Variants in DMD observed in about 807,000 individuals in gnomAD.
DMD encodes mutant dystrophin.
In DMD, 63 loss-of-function variants were observed where a neutral mutation model predicts 330.1. That is an observed-to-expected ratio of 0.19 (90% confidence interval 0.16 to 0.24). DMD has a LOEUF of 0.24. Ranked by LOEUF, DMD falls within the 10% of genes least tolerant of loss-of-function variation. The pLI is 1.00. For synonymous variants in DMD, 1,223 were observed against 959.8 expected, an observed-to-expected ratio of 1.27 and a Z score of -5.07; for missense variants, 3,344 against 2,684.1, an observed-to-expected ratio of 1.25 and a Z score of -5.43.
chrX:31,590,356 C>T (rs758310722), intron 55 of DMD, among the ~76,000 whole-genome samples: 11 of 111,172 alleles, frequency 9.9e-5, no homozygotes, highest in African/African-American at 3.3e-4. Context: ...AATGATTCTT[C>T]CAATGCAAAA....
At chrX:31,228,256 T>TAAAA (rs750444358) in intron 63 of DMD, among the ~76,000 whole-genome samples, 5 of 61,859 alleles carry the variant, frequency 8.1e-5, no homozygotes, top group African/African-American at 2.7e-4. Context: ...TAAAGTATAA[T>TAAAA]AAAAAAAAAA....
At chrX:31,541,395 T>C (rs1244931818) in intron 55 of DMD, among the ~76,000 whole-genome samples, 2 of 110,096 alleles carry the variant, frequency 1.8e-5, no homozygotes, top group African/African-American at 6.6e-5. Context: ...ACGTGCGGGT[T>C]TGTTACATAT....
intron 7 of DMD, among the ~76,000 whole-genome samples, chrX:32,731,217 G>A (rs778102383): frequency 8.9e-6 from 1 of 112,181 alleles, no homozygotes; most frequent in African/African-American, 3.2e-5. Flanking sequence ...CTTAAAAAAC[G>A]GCACACCAGG....
intron 43 of DMD, among the ~76,000 whole-genome samples, chrX:32,280,144 GTATATATATATATATATACAGTATA>G (rs201952466): frequency 0.056 from 2,589 of 46,135 alleles, 92 homozygotes; most frequent in East Asian, 0.23. Context: ...TATATATACA[GTATATATATATATATATACAGTATA>G]TATATATATA....
At chrX:33,336,421 T>G (rs954718153) in intron 1 of DMD, among the ~76,000 whole-genome samples, 1 of 110,718 alleles carries the variant, frequency 9.0e-6, no homozygotes, top group South Asian at 3.8e-4. Context: ...TGTCTTCCCC[T>G]GCTCATCTTT....
At chrX:32,241,594 T>C (rs1361011292) in intron 43 of DMD, among the ~76,000 whole-genome samples, 5 of 112,306 alleles carry the variant, frequency 4.5e-5, no homozygotes, top group Admixed American at 9.4e-5. Context: ...ATTCCTGGCT[T>C]CCACTGTTGT....
At position 31,708,735 on chromosome X, in the gene DMD, A is replaced by G. The variant is rs1603450078; in HGVS notation, c.7660+20896T>C. 2.7e-5 allele frequency among the ~76,000 whole-genome samples: 3 copies of G among 112,185 alleles called. No homozygotes were observed. In the Middle Eastern group the frequency reaches 0.014, roughly 524 times the overall value. ...ATTAGTATTATAAAATGCATTTTAG[A>G]TTATTAATCACTTTCCAGTGATAAA... On this transcript the variant is annotated intron_variant, in intron 52 of 78. Transcript: ENST00000357033.
chrX:32,388,535 CAT>C (rs2097976936), intron 32 of DMD, among the ~76,000 whole-genome samples: 2 of 109,125 alleles, frequency 1.8e-5, no homozygotes, highest in South Asian at 3.9e-4. Context: ...AAGAATACCT[CAT>C]ATTTTTCACA....
chrX:32,269,132 A>G (rs1207816530), intron 43 of DMD, among the ~76,000 whole-genome samples: 1 of 111,043 alleles, frequency 9.0e-6, no homozygotes, highest in Admixed American at 9.6e-5. Flanking sequence ...AAAATGTCAT[A>G]GTGTAACTGG....
chrX:32,789,338 A>G (rs1178298341), intron 7 of DMD, among the ~76,000 whole-genome samples: 1 of 112,278 alleles, frequency 8.9e-6, no homozygotes, highest in East Asian at 2.8e-4. Context: ...AGAAAATGCT[A>G]GAAGTCTAAA....
At chrX:32,280,186 T>TAC (rs1381347736) in intron 43 of DMD, among the ~76,000 whole-genome samples, 3 of 25,800 alleles carry the variant, frequency 1.2e-4, no homozygotes, top group South Asian at 1.5e-3. Flanking sequence ...TATATATATA[T>TAC]ACACACTATG....
intron 7 of DMD, among the ~76,000 whole-genome samples, chrX:32,779,395 G>A (rs951511205): frequency 1.1e-4 from 12 of 110,119 alleles, no homozygotes; most frequent in Admixed American, 3.9e-4. Context: ...GTCTTTTGTC[G>A]CACATTCCCT....
At chrX:32,831,427 A>G (rs4829269) in intron 4 of DMD, among the ~76,000 whole-genome samples, 52,683 of 109,660 alleles carry the variant, frequency 0.48, 9,376 homozygotes, top group Admixed American at 0.54. Flanking sequence ...GGAACAAGTT[A>G]GTGTTATTTT....
intron 37 of DMD, among the ~76,000 whole-genome samples, chrX:32,357,131 T>C (rs2097804266): frequency 8.9e-6 from 1 of 111,872 alleles, no homozygotes; most frequent in Non-Finnish European, 1.9e-5. Flanking sequence ...TCAGGTGATC[T>C]GCCTGCAGCG....
intron 16 of DMD, among the ~76,000 whole-genome samples, chrX:32,548,299 T>C (rs1384918305): frequency 1.8e-5 from 2 of 111,937 alleles, no homozygotes; most frequent in African/African-American, 3.2e-5. Context: ...AATACCAGTA[T>C]GCAAAATAAT....
At chrX:31,970,593 A>G (rs1172566445) in intron 44 of DMD, among the ~76,000 whole-genome samples, 1 of 110,811 alleles carries the variant, frequency 9.0e-6, no homozygotes, top group African/African-American at 3.3e-5. Flanking sequence ...ACTTAGGCAT[A>G]TGGAGGGTTA....
chrX:32,001,712 G>A, intron 44 of DMD, among the ~76,000 whole-genome samples: 1 of 111,510 alleles, frequency 9.0e-6, no homozygotes, highest in Non-Finnish European at 1.9e-5. Context: ...TATTTATTGA[G>A]TGCCTATTCA....
intron 1 of DMD, among the ~76,000 whole-genome samples, chrX:33,225,454 G>A (rs992630775): frequency 9.0e-6 from 1 of 111,210 alleles, no homozygotes; most frequent in African/African-American, 3.3e-5. Context: ...TAATTCAGTG[G>A]AGCAAAGATA....
chrX:31,703,842 A>G (rs772944882), intron 52 of DMD, among the ~76,000 whole-genome samples: 30 of 111,554 alleles, frequency 2.7e-4, no homozygotes, highest in Non-Finnish European at 5.6e-4. Flanking sequence ...AAAAAGATCA[A>G]TGAATTCTGG....
Sources: gnomAD v4.1 joint callset for allele counts (sites outside exome capture counted in the v4.1 genomes callset) on GRCh38, gnomAD v4.1.1 for gene constraint, MANE v1.5 for transcripts, NCBI Gene and HGNC (gene_info 2026-07-23, HGNC 2026-07-21) for gene names.